Variants in AMER1 observed in about 807,000 individuals in gnomAD.
The protein encoded by AMER1 is RP11-403E24.2.
A neutral mutation model predicts 53.0 loss-of-function variants in AMER1; 16 were observed. The observed-to-expected ratio is 0.30, with a 90% CI of 0.20 to 0.46. AMER1 has a LOEUF of 0.46. Ranked by LOEUF, AMER1 falls within the 20% of genes least tolerant of loss-of-function variation. The pLI is 1.00. For missense variants in AMER1, 947 were observed against 884.9 expected (o/e 1.07, Z -0.89); for synonymous variants, 354 against 331.9 (o/e 1.07, Z -0.73).
rs1930095765 is a variant in AMER1 at position 64,185,915 on chromosome X, G to A, written c.*3964C>T. Reference sequence around the variant, plus strand: ...AACCCCCTTCCTTCCCCATTGGGTGGAGAATGTTCCCAAAATGCTCCTTTG... The same window carrying A: ...AACCCCCTTCCTTCCCCATTGGGTGAAGAATGTTCCCAAAATGCTCCTTTG... On this transcript the variant is annotated 3_prime_UTR_variant, in exon 2 of 2. Transcript: ENST00000374869. 2 of 381,811 alleles carry A rather than the reference G, an allele frequency of 5.2e-6. No individual in the cohort carries two copies. The highest frequency in any genetic ancestry group is 5.7e-4 in the Middle Eastern group (1 of 1,750). 31.5% of individuals were successfully genotyped at this position (381,811 alleles called of 1,213,427 possible).
rs1347543593 is a variant in AMER1 at position 64,186,153 on chromosome X, G to T, written c.*3726C>A. 8.3e-7 allele frequency: 1 copy of T among 1,210,744 alleles called. No homozygotes were observed. The highest frequency in any genetic ancestry group is 1.8e-5 in the South Asian group (1 of 56,886). Reference sequence around the variant, plus strand: ...CACACGCCTGAGTCACTTGGCGTTTGTCTTCAGTACCTGGGCATCTTCTGC... The same window carrying T: ...CACACGCCTGAGTCACTTGGCGTTTTTCTTCAGTACCTGGGCATCTTCTGC... On this transcript the variant is annotated 3_prime_UTR_variant, in exon 2 of 2. Coordinates refer to ENST00000374869, the MANE Select transcript of AMER1 (RefSeq NM_152424.4).
Position 64,188,458 on chromosome X carries a change from A to G in AMER1, c.*1421T>C, listed in dbSNP as rs1930152503. On this transcript the variant is annotated 3_prime_UTR_variant, in exon 2 of 2. Coordinates refer to ENST00000374869, the MANE Select transcript of AMER1 (RefSeq NM_152424.4). ...AAACTGCATGGATGCAGGAGAAGGG[A>G]GGGTGCCATTCATTCCATAAAGGGC... 2.5e-6 allele frequency: 2 copies of G among 804,700 alleles called. No homozygotes were observed. The highest frequency in any genetic ancestry group is 1.5e-6 in the Non-Finnish European group (1 of 670,263). 66.3% of individuals were successfully genotyped at this position (804,700 alleles called of 1,213,427 possible).
At position 64,188,156 on chromosome X, in the gene AMER1, A is replaced by G; in HGVS notation, c.*1723T>C. On this transcript the variant is annotated 3_prime_UTR_variant, in exon 2 of 2. Transcript: ENST00000374869. ...CAAACAGCATCTGTTCCCAAGCTAA[A>G]TTGCCATATCTCAGGAATGGCAAGA... is the stretch of plus-strand genomic sequence containing the variant. 2 of 802,600 alleles carry G rather than the reference A, an allele frequency of 2.5e-6. No homozygotes were observed. The highest frequency in any genetic ancestry group is 1.5e-6 in the Non-Finnish European group (1 of 668,959). 66.1% of individuals were successfully genotyped at this position (802,600 alleles called of 1,213,427 possible).
chrX:64,200,269 G>A (rs747038645), intron 1 of AMER1, among the ~76,000 whole-genome samples: 1 of 112,421 alleles, frequency 8.9e-6, no homozygotes, highest in African/African-American at 3.2e-5. Flanking sequence ...AAGAATAGGA[G>A]AGGAGCTAAC....
Position 64,192,725 on chromosome X carries a change from C to T in AMER1, c.562G>A (p.Glu188Lys), listed in dbSNP as rs2147090277. The T allele has an allele frequency of 1.7e-6, 2 of 1,193,795 alleles. No homozygotes were observed. Among genetic ancestry groups the T allele is most frequent in the Non-Finnish European group, 2.3e-6 (2 of 886,967 alleles). ...CCCTTGGCCCCTGGCTCACTTTGCT[C>T]AGCCCCAGTGACCTTGCTCTTCCGG... is the stretch of plus-strand genomic sequence containing the variant. ...RHRKSKVTGA[E>K]QSEPGAKGPE... The change falls in exon 2 of 2, where the codon GAG becomes AAG. Residue 188 changes from glutamate (E) to lysine (K), a missense_variant. By Grantham distance (56) the Glu-to-Lys change is moderately conservative. Coordinates refer to ENST00000374869, the MANE Select transcript of AMER1 (RefSeq NM_152424.4).
In AMER1 at chrX:64,190,089, G is replaced by A. The variant is rs1484188656; in HGVS notation, c.3198C>T (p.Gly1066=). Residue 1066 remains glycine (G), a synonymous_variant, in exon 2 of 2, where the codon GGC becomes GGT. Coordinates refer to ENST00000374869, the MANE Select transcript of AMER1 (RefSeq NM_152424.4). ...CCTGTGGTAGAGGGCTGGGGCTGAA[G>A]CCTCCAGAACTGGAAGAGCAACTGG... ...DEPSCSSSSG[G]FSPSPLPQAK... 8 of 1,205,520 alleles carry A rather than the reference G, an allele frequency of 6.6e-6. No individual in the cohort carries two copies. In the South Asian group the frequency reaches 1.4e-4, roughly 22 times the overall value.
At chrX:64,204,799 C>T (rs1009801001) in intron 1 of AMER1, among the ~76,000 whole-genome samples, 11 of 113,343 alleles carry the variant, frequency 9.7e-5, no homozygotes, top group Admixed American at 6.4e-4. Flanking sequence ...GACTAGCTTG[C>T]GCCGCTGCTC....
At position 64,185,215 on chromosome X, in the gene AMER1, CA is replaced by C. The variant is rs1194813448; in HGVS notation, c.*4663del. Reference sequence around the variant, plus strand: ...GCAGTGCATCAAGATATCCAGATGTCAGTGAGAGCTAGAAGTGGAGAGGTCA... The same window carrying C: ...GCAGTGCATCAAGATATCCAGATGTCGTGAGAGCTAGAAGTGGAGAGGTCA... On this transcript the variant is annotated 3_prime_UTR_variant, in exon 2 of 2. Transcript: ENST00000374869. 2 of 158,840 alleles carry C rather than the reference CA, an allele frequency of 1.3e-5. No homozygotes were observed. The highest frequency in any genetic ancestry group is 6.1e-5 in the African/African-American group (2 of 32,967). The allele number at this position is 158,840 out of a possible 1,213,427, so 13.1% of individuals were successfully genotyped here.
In AMER1 at chrX:64,191,443, G is replaced by T. The variant is rs767204320; in HGVS notation, c.1844C>A (p.Thr615Asn). 4.2e-5 allele frequency: 51 copies of T among 1,212,046 alleles called. No homozygotes were observed. Among genetic ancestry groups the T allele is most frequent in the Non-Finnish European group, 5.6e-5 (50 of 895,552 alleles). Reference sequence around the variant, plus strand: ...GGCCTCCCTGCCATGAGCTTCCCAAGTGTGGGCCTCCCTGGCATAGGCTTC... The same window carrying T: ...GGCCTCCCTGCCATGAGCTTCCCAATTGTGGGCCTCCCTGGCATAGGCTTC... Reference protein sequence around the residue: ...GREAYAREAHTWEAHGREART... With the variant: ...GREAYAREAHNWEAHGREART... The change falls in exon 2 of 2, where the codon ACT (threonine) becomes AAT (asparagine). Residue 615 changes from threonine (T) to asparagine (N), a missense_variant. Coordinates refer to ENST00000374869, the MANE Select transcript of AMER1 (RefSeq NM_152424.4).
Position 64,188,723 on chromosome X carries a change from G to A in AMER1, c.*1156C>T, listed in dbSNP as rs1479952747. Reference sequence around the variant, plus strand: ...CTTTTAAGAAACTGAGATACCTTAAGCTCTGCATGGTCTGAAATCCCCTTT... The same window carrying A: ...CTTTTAAGAAACTGAGATACCTTAAACTCTGCATGGTCTGAAATCCCCTTT... On this transcript the variant is annotated 3_prime_UTR_variant, in exon 2 of 2. Coordinates refer to ENST00000374869, the MANE Select transcript of AMER1 (RefSeq NM_152424.4). 1 of 800,504 alleles carries A rather than the reference G, an allele frequency of 1.2e-6. No individual in the cohort carries two copies. The highest frequency in any genetic ancestry group is 6.6e-5 in the South Asian group (1 of 15,141). 66.0% of individuals were successfully genotyped at this position (800,504 alleles called of 1,213,427 possible). A position where few individuals can be genotyped will look rare whatever the true frequency, so the allele number is the denominator to read the frequency against.
intron 1 of AMER1, among the ~76,000 whole-genome samples, chrX:64,201,454 C>T (rs1237273020): frequency 9.4e-6 from 1 of 106,032 alleles, no homozygotes; most frequent in African/African-American, 3.5e-5. Context: ...CCCCAACACA[C>T]ACACACACAC....
Position 64,189,800 on chromosome X carries a change from C to CCCCCCCCCCCCT in AMER1, c.*78_*79insAGGGGGGGGGGG. On this transcript the variant is annotated 3_prime_UTR_variant, in exon 2 of 2. Coordinates refer to ENST00000374869, the MANE Select transcript of AMER1 (RefSeq NM_152424.4). ...TTTTCAAGTTAAACAACAACCCCCA[C>CCCCCCCCCCCCT]CCCCCCACCCTTCTGCCCAACCCCT... The CCCCCCCCCCCCT allele has an allele frequency of 4.3e-6, 1 of 230,986 alleles. No individual in the cohort carries two copies. The highest frequency in any genetic ancestry group is 6.4e-6 in the Non-Finnish European group (1 of 156,057). 19.0% of individuals were successfully genotyped at this position (230,986 alleles called of 1,213,427 possible). A position where few individuals can be genotyped will look rare whatever the true frequency, so the allele number is the denominator to read the frequency against.
Position 64,191,563 on chromosome X carries a change from C to T in AMER1, c.1724G>A (p.Arg575Gln), listed in dbSNP as rs373710390. The T allele has an allele frequency of 4.4e-5, 53 of 1,210,844 alleles. No homozygotes were observed. The highest frequency in any genetic ancestry group is 3.0e-4 in the Admixed American group (14 of 45,953). ...QKQLLYWELRREQLEAQEARA... is the reference protein window; with the variant it reads ...QKQLLYWELRQEQLEAQEARA... ...TGCCTCCTGGGCCTCAAGCTGCTCC[C>T]GCCGAAGCTCCCAATACAACAACTG... Residue 575 changes from arginine (R) to glutamine (Q), a missense_variant, in exon 2 of 2, where the codon CGG (arginine) becomes CAG (glutamine). By Grantham distance (43) the Arg-to-Gln change is conservative. Coordinates refer to ENST00000374869, the MANE Select transcript of AMER1 (RefSeq NM_152424.4).
rs2147085800 is a variant in AMER1 at position 64,190,726 on chromosome X, T to G, written c.2561A>C (p.Tyr854Ser). ...GYYHKHAFNNYHSRFYQGLPW... is the reference protein window; with the variant it reads ...GYYHKHAFNNSHSRFYQGLPW... ...CAGGCCTTGGTAGAATCGACTATGGTAGTTGTTGAAGGCATGTTTGTGATA... is the reference window on the plus strand; with the variant it reads ...CAGGCCTTGGTAGAATCGACTATGGGAGTTGTTGAAGGCATGTTTGTGATA... Residue 854 changes from tyrosine (Y) to serine (S), a missense_variant, in exon 2 of 2, where the codon TAC becomes TCC. Physicochemically the swap from Tyr to Ser is moderately radical, Grantham distance 144. Transcript: ENST00000374869. 2 of 1,206,963 alleles carry G rather than the reference T, an allele frequency of 1.7e-6. No individual in the cohort carries two copies. Among genetic ancestry groups the G allele is most frequent in the Non-Finnish European group, 2.2e-6 (2 of 893,043 alleles).
Position 64,189,793 on chromosome X carries a change from A to ACCACCCCCCCCCC in AMER1, c.*85_*86insGGGGGGGGGGTGG. ...CAAAGGGTTTTCAAGTTAAACAACA[A>ACCACCCCCCCCCC]CCCCCACCCCCCCACCCTTCTGCCC... On this transcript the variant is annotated 3_prime_UTR_variant, in exon 2 of 2. Transcript: ENST00000374869. The ACCACCCCCCCCCC allele has an allele frequency of 3.4e-6, 1 of 292,073 alleles. No homozygotes were observed. The highest frequency in any genetic ancestry group is 4.9e-6 in the Non-Finnish European group (1 of 204,832). 24.1% of individuals were successfully genotyped at this position (292,073 alleles called of 1,213,427 possible).
In AMER1 at chrX:64,191,289, C is replaced by T. The variant is rs1314584437; in HGVS notation, c.1998G>A (p.Leu666=). Residue 666 remains leucine (L), a synonymous_variant, in exon 2 of 2, where the codon CTG becomes CTA. Transcript: ENST00000374869. ...GAGAGGTCCCTGATACCCCTGCTGC[C>T]AGGCCCATCACTGATGGGCCTAAGG... is the stretch of plus-strand genomic sequence containing the variant. ...MRPLGPSVMG[L]AAGVSGTSQI... 1 of 1,209,781 alleles carries T rather than the reference C, an allele frequency of 8.3e-7. No homozygotes were observed. The highest frequency in any genetic ancestry group is 1.1e-6 in the Non-Finnish European group (1 of 895,075).
chrX:64,192,264 T>C lies in AMER1; in HGVS notation c.1023A>G (p.Thr341=), dbSNP rs1333774874. The change falls in exon 2 of 2, where the codon ACA becomes ACG. Residue 341 remains threonine (T), a synonymous_variant. Coordinates refer to ENST00000374869, the MANE Select transcript of AMER1 (RefSeq NM_152424.4). ...IIAEQDMDSM[T]DSMASGGQRA... ...TCTGGCCCCCAGAGGCCATGCTGTC[T>C]GTCATACTGTCCATGTCCTGTTCTG... 8.2e-7 allele frequency: 1 copy of C among 1,212,247 alleles called. No individual in the cohort carries two copies. The highest frequency in any genetic ancestry group is 3.0e-5 in the East Asian group (1 of 33,829).
At position 64,192,596 on chromosome X, in the gene AMER1, G is replaced by C. The variant is rs763754641; in HGVS notation, c.691C>G (p.Pro231Ala). Residue 231 changes from proline (P) to alanine (A), a missense_variant, in exon 2 of 2, where the codon CCC (proline) becomes GCC (alanine). Pro to Ala is a conservative substitution (Grantham distance 27). Transcript: ENST00000374869. ...ACTTTTGGCCCAGGGGCATCTTGGGGGTTAGCATTTTCCTTTCTAGGGGCT... is the reference window on the plus strand; with the variant it reads ...ACTTTTGGCCCAGGGGCATCTTGGGCGTTAGCATTTTCCTTTCTAGGGGCT... ...FQAPRKENAN[P>A]QDAPGPKVSP... The C allele has an allele frequency of 1.7e-6, 2 of 1,184,501 alleles. No individual in the cohort carries two copies. The highest frequency in any genetic ancestry group is 2.0e-5 in the South Asian group (1 of 51,214).
At chrX:64,201,266 ATACACT>A (rs1436527966) in intron 1 of AMER1, among the ~76,000 whole-genome samples, 1 of 111,304 alleles carries the variant, frequency 9.0e-6, no homozygotes, top group Non-Finnish European at 1.9e-5. Flanking sequence ...TTTGCTAGAA[ATACACT>A]TACACACGCA....
Sources: allele counts gnomAD v4.1 joint callset (sites outside exome capture counted in the v4.1 genomes callset), GRCh38; gene constraint gnomAD v4.1.1; transcripts MANE v1.5; gene names NCBI Gene and HGNC (gene_info 2026-07-23, HGNC 2026-07-21).